VRK2: variants seen among roughly 807,000 people sequenced by gnomAD.
VRK2 encodes VRK serine/threonine kinase 2.
Under a neutral mutation model 57.6 loss-of-function variants are expected in VRK2, and 60 were observed. That is an observed-to-expected ratio of 1.04 (90% CI 0.85 to 1.29). VRK2 has a LOEUF of 1.29. Ranked by LOEUF, VRK2 falls within the 50% of genes most tolerant of loss-of-function variation. The pLI, the probability that VRK2 is intolerant of heterozygous loss-of-function variation, is 0.00. For synonymous variants in VRK2, 231 were observed against 199.2 expected (o/e 1.16, Z -1.35); for missense variants, 705 against 588.1 (o/e 1.20, Z -2.06).
intron 2 of VRK2, among the ~76,000 whole-genome samples, chr2:58,081,986 A>G (rs1374951319): frequency 1.3e-5 from 2 of 151,718 alleles, no homozygotes; most frequent in Non-Finnish European, 2.9e-5. Context: ...ATTCTACTAT[A>G]AAAAGACCCC....
chr2:57,912,556 G>C (rs1297617635), intron 1 of VRK2, among the ~76,000 whole-genome samples: 1 of 152,168 alleles, frequency 6.6e-6, no homozygotes, highest in Non-Finnish European at 1.5e-5. Context: ...CAGAAACAGA[G>C]AGGAAATCAG....
chr2:58,094,509 T>C (rs958874509), intron 7 of VRK2, among the ~76,000 whole-genome samples: 1 of 152,212 alleles, frequency 6.6e-6, no homozygotes, highest in African/African-American at 2.4e-5. Flanking sequence ...GCACATTGAT[T>C]TTGTATCCTG....
At chr2:58,046,286 G>A (rs1350705721), upstream of VRK2, among the ~76,000 whole-genome samples, 5 of 152,154 alleles carry the variant, frequency 3.3e-5, no homozygotes, top group Non-Finnish European at 7.3e-5. Flanking sequence ...TGTTAATTAC[G>A]GTGTTAAATT....
chr2:57,977,247 C>G (rs1672280926), intron 1 of VRK2, among the ~76,000 whole-genome samples: 1 of 151,994 alleles, frequency 6.6e-6, no homozygotes, highest in Non-Finnish European at 1.5e-5. Flanking sequence ...TCTTCTAATT[C>G]TGTGAAAAAT....
At chr2:58,126,552 C>G (rs1678379351) in intron 8 of VRK2, among the ~76,000 whole-genome samples, 1 of 151,826 alleles carries the variant, frequency 6.6e-6, no homozygotes, top group Admixed American at 6.6e-5. Flanking sequence ...GATGGATGGA[C>G]AGATGGATGA....
chr2:57,977,193 T>A (rs1288448126), intron 1 of VRK2, among the ~76,000 whole-genome samples: 1 of 152,110 alleles, frequency 6.6e-6, no homozygotes, highest in East Asian at 1.9e-4. Context: ...TTTGGCTATT[T>A]AGGATTTTGT....
intron 1 of VRK2, among the ~76,000 whole-genome samples, chr2:57,930,049 CTGCCTTGGCTA>C (rs1670668447): frequency 6.6e-6 from 1 of 152,086 alleles, no homozygotes; most frequent in African/African-American, 2.4e-5. Context: ...GGCAAAAGCA[CTGCCTTGGCTA>C]CCCCATCTGG....
At position 58,031,805 on chromosome 2, in the gene VRK2, G is replaced by A. The variant is rs552406296; in HGVS notation, c.-332-1422G>A. ...TCATATCTGCTCAGATGTGGAACACGGACTTTTCAATTTACACATTCACTC... is the reference window on the plus strand; with the variant it reads ...TCATATCTGCTCAGATGTGGAACACAGACTTTTCAATTTACACATTCACTC... On this transcript the variant is annotated intron_variant, in intron 2 of 15. Coordinates refer to the VRK2 transcript ENST00000417641. Among the ~76,000 whole-genome samples, 10 of 152,054 alleles carry A rather than the reference G, an allele frequency of 6.6e-5. No homozygotes were observed. In the East Asian group the frequency reaches 1.2e-3, roughly 18 times the overall value.
At chr2:58,137,260 GAT>G (rs1380424509) in intron 10 of VRK2, among the ~76,000 whole-genome samples, 1 of 21,874 alleles carries the variant, frequency 4.6e-5, no homozygotes, top group Non-Finnish European at 1.2e-4. Context: ...TGATATATAT[GAT>G]ATATATGTGT....
In VRK2 at chr2:58,145,008, T is replaced by C. The variant is rs117700020; in HGVS notation, c.1024-1308T>C. ...TGTAATTCATTCTCTATTTTGGCAC[T>C]GGCTACTTCACTATTTCCCCTTTGT... On this transcript the variant is annotated intron_variant, in intron 11 of 12. Transcript: ENST00000340157. Among the ~76,000 whole-genome samples the C allele has an allele frequency of 7.4e-4, 113 of 152,140 alleles. No homozygotes were observed. In the East Asian group the frequency reaches 0.016, roughly 21 times the overall value.
At chr2:58,094,181 G>GT (rs374800870) in intron 7 of VRK2, among the ~76,000 whole-genome samples, 47 of 152,154 alleles carry the variant, frequency 3.1e-4, no homozygotes, top group Non-Finnish European at 8.8e-5. Flanking sequence ...CTTTAGAGTA[G>GT]TTTTTTCCAA....
intron 1 of VRK2, among the ~76,000 whole-genome samples, chr2:57,936,364 A>G (rs543290025): frequency 1.3e-5 from 2 of 152,358 alleles, no homozygotes; most frequent in East Asian, 3.9e-4. Context: ...TAAGTTTAAG[A>G]ACACTAAATG....
At chr2:57,950,808 A>C (rs1182252657) in intron 1 of VRK2, among the ~76,000 whole-genome samples, 1 of 152,186 alleles carries the variant, frequency 6.6e-6, no homozygotes, top group Non-Finnish European at 1.5e-5. Context: ...AACATTGGTG[A>C]TCTGGCTGGG....
intron 7 of VRK2, among the ~76,000 whole-genome samples, chr2:58,106,513 G>T (rs1674776421): frequency 6.6e-6 from 1 of 151,918 alleles, no homozygotes; most frequent in Non-Finnish European, 1.5e-5. Flanking sequence ...CATAGTCTTG[G>T]TCCTAATGGG....
At chr2:58,028,151 C>T (rs889486842) in intron 2 of VRK2, 6 of 152,108 alleles carry the variant, frequency 3.9e-5, no homozygotes, top group Admixed American at 1.3e-4. Flanking sequence ...TAGGATAGAG[C>T]GCAAGGAAAA....
At chr2:58,108,998 A>G (rs115929987) in intron 7 of VRK2, among the ~76,000 whole-genome samples, 1 of 152,344 alleles carries the variant, frequency 6.6e-6, no homozygotes, top group African/African-American at 2.4e-5. Flanking sequence ...TATGTAAAGT[A>G]CTTAATGCTC....
intron 1 of VRK2, among the ~76,000 whole-genome samples, chr2:57,943,207 A>C (rs991572853): frequency 2.6e-5 from 4 of 152,210 alleles, no homozygotes; most frequent in African/African-American, 9.6e-5. Context: ...TAAATATCCA[A>C]GAAGGTACAC....
At chr2:58,056,295 C>A (rs1394532355) in intron 2 of VRK2, among the ~76,000 whole-genome samples, 1 of 152,116 alleles carries the variant, frequency 6.6e-6, no homozygotes, top group African/African-American at 2.4e-5. Context: ...AATACTTCAA[C>A]GTATTCAAAA....
intron 1 of VRK2, among the ~76,000 whole-genome samples, chr2:57,932,033 A>C (rs1039500039): frequency 1.3e-5 from 2 of 152,158 alleles, no homozygotes; most frequent in African/African-American, 4.8e-5. Context: ...TTTGTAAATA[A>C]TTTGAAATCA....
Sources: allele counts gnomAD v4.1 joint callset (sites outside exome capture counted in the v4.1 genomes callset), GRCh38; gene constraint gnomAD v4.1.1; transcripts MANE v1.5; gene names NCBI Gene and HGNC (gene_info 2026-07-23, HGNC 2026-07-21).